The following ADAMTS18 variants were observed in gnomAD, a reference collection of about 807,000 sequenced individuals.
ADAMTS18 encodes A disintegrin and metalloproteinase with thrombospondin motifs 18.
Under a neutral mutation model 165.9 loss-of-function variants are expected in ADAMTS18, and 157 were observed. That is an observed-to-expected ratio of 0.95 (90% confidence interval 0.83 to 1.08). The LOEUF (loss-of-function observed/expected upper bound fraction) is 1.08, where lower values mean the gene tolerates loss of function less well. ADAMTS18 is among the 50% of genes least tolerant of loss of function. ADAMTS18 has a pLI of 0.00. For missense variants in ADAMTS18, 2,040 were observed against 1,534.0 expected (o/e 1.33, Z -5.51); for synonymous variants, 782 against 578.2 (o/e 1.35, Z -5.06).
At chr16:77,359,864 C>T (rs943120225) in intron 7 of ADAMTS18, among the ~76,000 whole-genome samples, 1 of 152,154 alleles carries the variant, frequency 6.6e-6, no homozygotes, top group African/African-American at 2.4e-5. Context: ...AGGAAAAACA[C>T]ATATCCTGGT....
chr16:77,309,587 A>C (rs761443689), intron 16 of ADAMTS18, among the ~76,000 whole-genome samples: 12 of 152,248 alleles, frequency 7.9e-5, no homozygotes, highest in Non-Finnish European at 1.8e-4. Context: ...TTTTCTATTT[A>C]GCTTAAATTT....
intron 22 of ADAMTS18, among the ~76,000 whole-genome samples, chr16:77,286,465 C>T (rs1260013708): frequency 1.3e-5 from 2 of 152,104 alleles, no homozygotes; most frequent in African/African-American, 4.8e-5. Context: ...GCACTAAAGA[C>T]ATGTGTGAAA....
At chr16:77,361,405 G>A (rs1306634741) in intron 7 of ADAMTS18, among the ~76,000 whole-genome samples, 1 of 152,198 alleles carries the variant, frequency 6.6e-6, no homozygotes, top group Non-Finnish European at 1.5e-5. Context: ...GAAGAAATGA[G>A]TACTTCAAAG....
At chr16:77,317,919 C>A (rs975265428) in intron 16 of ADAMTS18, among the ~76,000 whole-genome samples, 1 of 152,058 alleles carries the variant, frequency 6.6e-6, no homozygotes, top group African/African-American at 2.4e-5. Flanking sequence ...TGAAAAATTG[C>A]CTTATTCATC....
chr16:77,373,161 T>A (rs902157048), intron 3 of ADAMTS18, among the ~76,000 whole-genome samples: 3 of 152,152 alleles, frequency 2.0e-5, no homozygotes, highest in African/African-American at 7.2e-5. Context: ...TTAAACACCA[T>A]CTTCTCAGAG....
At position 77,294,948 on chromosome 16, in the gene ADAMTS18, T is replaced by G. The variant is rs2055437788; in HGVS notation, c.2981A>C (p.Gln994Pro). 2 of 1,614,090 alleles carry G rather than the reference T, an allele frequency of 1.2e-6. No individual in the cohort carries two copies. The highest frequency in any genetic ancestry group is 1.1e-5 in the South Asian group (1 of 91,074). The change falls in exon 19 of 23, where the codon CAA becomes CCA. Residue 994 changes from glutamine to proline, a missense_variant. By Grantham distance (76) the Gln-to-Pro change is moderately conservative (BLOSUM62 -1). Transcript: ENST00000282849. ...CTGAGACCAGGGTCCAAGGCTCCAT[T>G]GTGGAGGGCAGGCATGGCTGTTGCA... is the stretch of plus-strand genomic sequence containing the variant. ...QACNSHACPP[Q>P]WSLGPWSQCS...
In ADAMTS18 at chr16:77,431,334, G is replaced by C. The variant is rs751884397; in HGVS notation, c.456C>G (p.Asp152Glu). 2 of 1,614,048 alleles carry C rather than the reference G, an allele frequency of 1.2e-6. No individual in the cohort carries two copies. The highest frequency in any genetic ancestry group is 1.7e-5 in the Admixed American group (1 of 60,010). The change falls in exon 3 of 23, where the codon GAC becomes GAG. Residue 152 changes from aspartate to glutamate, a missense_variant. Asp to Glu is a conservative substitution (Grantham distance 45). Coordinates refer to ENST00000282849, the MANE Select transcript of ADAMTS18 (RefSeq NM_199355.4). ...QCFYQGFIRN[D>E]SSSSVAVSTC... ...TAGACACAGCGACAGAGGAGGAGCT[G>C]TCATTTCTGATAAATCCCTGATAGA...
At chr16:77,309,941 G>C (rs1357571461) in intron 16 of ADAMTS18, among the ~76,000 whole-genome samples, 3 of 152,204 alleles carry the variant, frequency 2.0e-5, no homozygotes, top group African/African-American at 7.2e-5. Context: ...CATTTTAGGA[G>C]ATCAAATTTC....
In ADAMTS18 at chr16:77,405,367, A is replaced by C. The variant is rs555065090; in HGVS notation, c.495+25928T>G. On this transcript the variant is annotated intron_variant, in intron 3 of 22. Transcript: ENST00000282849. The stretch of plus-strand genomic sequence containing the variant: ...CAATGTCCAATCCTGCATCCAATTC[A>C]GCTCTCATTTTGATCATCAATAGGA... Among the ~76,000 whole-genome samples the C allele has an allele frequency of 2.0e-5, 3 of 152,280 alleles. No homozygotes were observed. In the South Asian group the frequency reaches 6.2e-4, roughly 32 times the overall value.
intron 22 of ADAMTS18, among the ~76,000 whole-genome samples, chr16:77,286,808 G>T (rs2055260874): frequency 6.6e-6 from 1 of 152,156 alleles, no homozygotes. Context: ...TTTCAATGCA[G>T]TGTGACACAA....
chr16:77,431,618 T>C lies in ADAMTS18; in HGVS notation c.179-7A>G. 2 of 1,613,590 alleles carry C rather than the reference T, an allele frequency of 1.2e-6. No homozygotes were observed. Among genetic ancestry groups the C allele is most frequent in the Non-Finnish European group, 1.7e-6 (2 of 1,179,910 alleles). The stretch of plus-strand genomic sequence containing the variant: ...GGCGTGACAAAGACGTAATCTGCAA[T>C]GGGAAAAGTTCAGCTGTCAGCACCC... On this transcript the variant is annotated splice_polypyrimidine_tract_variant and splice_region_variant and intron_variant, in intron 2 of 22. Coordinates refer to ENST00000282849, the MANE Select transcript of ADAMTS18 (RefSeq NM_199355.4).
At chr16:77,309,478 C>T (rs927876678) in intron 16 of ADAMTS18, among the ~76,000 whole-genome samples, 1 of 152,100 alleles carries the variant, frequency 6.6e-6, no homozygotes, top group Non-Finnish European at 1.5e-5. Flanking sequence ...ATGTTGAAAC[C>T]ATCTAGAACC....
chr16:77,291,723 T>C (rs534658021), intron 20 of ADAMTS18, among the ~76,000 whole-genome samples: 1 of 152,150 alleles, frequency 6.6e-6, no homozygotes, highest in Non-Finnish European at 1.5e-5. Context: ...ATTAGCCTCA[T>C]AAAGTAAAAA....
At chr16:77,402,178 G>C (rs2057340336) in intron 3 of ADAMTS18, among the ~76,000 whole-genome samples, 1 of 152,122 alleles carries the variant, frequency 6.6e-6, no homozygotes, top group Non-Finnish European at 1.5e-5. Context: ...TCTCCTTCTA[G>C]AACCGTTGCA....
At chr16:77,327,124 C>T (rs75278575) in intron 12 of ADAMTS18, among the ~76,000 whole-genome samples, 1 of 152,130 alleles carries the variant, frequency 6.6e-6, no homozygotes, top group Non-Finnish European at 1.5e-5. Flanking sequence ...TGATTCCATG[C>T]CTTTGCTATC....
In ADAMTS18 at chr16:77,363,826, G is replaced by A. The variant is rs369287815; in HGVS notation, c.1032C>T (p.Ser344=). 17 of 1,613,904 alleles carry A rather than the reference G, an allele frequency of 1.1e-5. No individual in the cohort carries two copies. Among genetic ancestry groups the A allele is most frequent in the Non-Finnish European group, 1.4e-5 (17 of 1,179,944 alleles). ...IGSDINVVVV[S]LILLEQEPGG... ...CAGGTTCTTGTTCCAGAAGAATTAG[G>A]CTCACCACAACCACGTTTATGTCAC... Residue 344 remains serine (S), a synonymous_variant, in exon 6 of 23, where the codon AGC becomes AGT. Transcript: ENST00000282849.
chr16:77,374,769 T>C (rs571552591), intron 3 of ADAMTS18, among the ~76,000 whole-genome samples: 1 of 152,170 alleles, frequency 6.6e-6, no homozygotes, highest in South Asian at 2.1e-4. Context: ...TAAAAAATAA[T>C]AATAATGGGC....
chr16:77,358,147 T>G (rs552403614), intron 8 of ADAMTS18, among the ~76,000 whole-genome samples: 3 of 152,328 alleles, frequency 2.0e-5, no homozygotes, highest in African/African-American at 7.2e-5. Context: ...ATTGGCTTAT[T>G]CATATCTAGG....
chr16:77,381,683 T>C (rs1010552549), intron 3 of ADAMTS18, among the ~76,000 whole-genome samples: 1 of 152,072 alleles, frequency 6.6e-6, no homozygotes, highest in Non-Finnish European at 1.5e-5. Flanking sequence ...ACGCCTGTAA[T>C]CCCAGCTACT....
Sources: allele counts gnomAD v4.1 joint callset (sites outside exome capture counted in the v4.1 genomes callset), GRCh38; gene constraint gnomAD v4.1.1; transcripts MANE v1.5; gene names NCBI Gene and HGNC (gene_info 2026-07-23, HGNC 2026-07-21).